Variants in C5orf58 observed in about 807,000 individuals in gnomAD.
The protein encoded by C5orf58 is putative uncharacterized protein C5orf58.
In C5orf58, 2 loss-of-function variants were observed where a neutral mutation model predicts 2.9. That is an observed-to-expected ratio of 0.69 (90% CI 0.28 to 2.18). C5orf58 has a LOEUF of 2.18. Among genes scored for constraint, C5orf58 ranks in the 30% most tolerant of loss-of-function variants. C5orf58 has a pLI of 0.13. For missense variants in C5orf58, 96 were observed against 91.7 expected, an observed-to-expected ratio of 1.05 and a Z score of -0.19; for synonymous variants, 37 against 33.4, an observed-to-expected ratio of 1.11 and a Z score of -0.37.
At chr5:170,234,632 A>G (rs1581033155) in intron 2 of C5orf58, among the ~76,000 whole-genome samples, 1 of 152,342 alleles carries the variant, frequency 6.6e-6, no homozygotes, top group African/African-American at 2.4e-5. Context: ...CATAAACAAA[A>G]TTAGAGAAGA....
At chr5:170,248,340 T>G (rs1488905787), downstream of C5orf58, 1 of 200,176 alleles carries the variant, frequency 5.0e-6, no homozygotes. Context: ...CACCAATAAC[T>G]ATTACTGTTT....
chr5:170,240,797 A>G (rs1760970343), intron 3 of C5orf58, among the ~76,000 whole-genome samples: 1 of 150,170 alleles, frequency 6.7e-6, no homozygotes, highest in South Asian at 2.1e-4. Flanking sequence ...CCATTTGTCA[A>G]TTTTGTCTTT....
At chr5:170,235,437 A>G (rs1319129994) in intron 3 of C5orf58, among the ~76,000 whole-genome samples, 1 of 152,228 alleles carries the variant, frequency 6.6e-6, no homozygotes, top group Non-Finnish European at 1.5e-5. Flanking sequence ...TAAAAAGTAT[A>G]AATTAGATTC....
chr5:170,239,750 G>A (rs1238598520), intron 3 of C5orf58, among the ~76,000 whole-genome samples: 1 of 151,944 alleles, frequency 6.6e-6, no homozygotes, highest in Non-Finnish European at 1.5e-5. Context: ...TTTATGTCAT[G>A]CTTATTTTGT....
rs763256611 is a variant in C5orf58, at chr5:170,246,049, A to G, written c.182A>G (p.Asn61Ser). The G allele has an allele frequency of 4.3e-6, 7 of 1,613,220 alleles. No homozygotes were observed. Among genetic ancestry groups the G allele is most frequent in the Admixed American group, 3.3e-5 (2 of 59,982 alleles). The change falls in exon 4 of 4, where the codon AAC (asparagine) becomes AGC (serine). Residue 61 changes from asparagine to serine, a missense_variant. Physicochemically the swap from Asn to Ser is conservative, Grantham distance 46 (BLOSUM62 1). Transcript: ENST00000593851. Reference protein sequence around the residue: ...TENLAEAERNNPLFEESKISD... With the variant: ...TENLAEAERNSPLFEESKISD... ...AACTTAGCAGAAGCAGAAAGAAACA[A>G]CCCCCTCTTTGAAGAGTCTAAAATA...
intron 3 of C5orf58, among the ~76,000 whole-genome samples, chr5:170,236,120 G>A (rs1010495781): frequency 6.6e-6 from 1 of 152,066 alleles, no homozygotes; most frequent in Non-Finnish European, 1.5e-5. Context: ...CCACAGCTAA[G>A]GGGACTGGGA....
At chr5:170,251,205 G>A, downstream of C5orf58, 1 of 233,768 alleles carries the variant, frequency 4.3e-6, no homozygotes, top group Non-Finnish European at 8.4e-6. Flanking sequence ...GTGGATAAAA[G>A]GCCAGGAGAA....
downstream of C5orf58, chr5:170,248,904 A>C: frequency 7.5e-7 from 1 of 1,331,264 alleles, no homozygotes; most frequent in Non-Finnish European, 1.1e-6. Flanking sequence ...TGCATAATAT[A>C]TGCTGCCTCT....
chr5:170,239,981 T>C (rs1760921242), intron 3 of C5orf58, among the ~76,000 whole-genome samples: 1 of 150,728 alleles, frequency 6.6e-6, no homozygotes, highest in Non-Finnish European at 1.5e-5. Context: ...TGTGTCCATG[T>C]GATCTCATTG....
chr5:170,244,755 C>T lies in C5orf58; in HGVS notation c.95-1207C>T, dbSNP rs150828184. On this transcript the variant is annotated intron_variant, in intron 3 of 3. Coordinates refer to ENST00000593851, the MANE Select transcript of C5orf58 (RefSeq NM_001102609.3). ...TCCCGTTAGCTCAGAGTAATTTGAT[C>T]GTCTGAAGCCTTCTTCTCTCAGCTC... Among the ~76,000 whole-genome samples, 1,259 of 152,244 alleles carry T rather than the reference C, an allele frequency of 8.3e-3. 20 individuals are homozygous for T. Among genetic ancestry groups the T allele is most frequent in the African/African-American group, 0.028 (1,165 of 41,524 alleles).
At chr5:170,237,649 A>T (rs1204971190) in intron 3 of C5orf58, among the ~76,000 whole-genome samples, 1 of 152,220 alleles carries the variant, frequency 6.6e-6, no homozygotes, top group African/African-American at 2.4e-5. Context: ...TGGCACCAGG[A>T]TCTTCTGGAA....
At chr5:170,252,379 C>G, downstream of C5orf58, 1 of 1,020,582 alleles carries the variant, frequency 9.8e-7, no homozygotes, top group Non-Finnish European at 1.5e-6. Context: ...CAGGTCAGTT[C>G]CCTTCTCTGC....
intron 2 of C5orf58, chr5:170,251,414 TC>T: frequency 4.6e-6 from 1 of 215,708 alleles, no homozygotes; most frequent in Non-Finnish European, 9.8e-6. Context: ...TGTTCTCTTT[TC>T]TTTTCTTTTT....
At chr5:170,243,649 T>C (rs1408623851) in intron 3 of C5orf58, among the ~76,000 whole-genome samples, 1 of 149,206 alleles carries the variant, frequency 6.7e-6, no homozygotes, top group African/African-American at 2.5e-5. Context: ...TCCTCCATCC[T>C]TTTATTTTGA....
chr5:170,244,102 T>C (rs1170421188), intron 3 of C5orf58, among the ~76,000 whole-genome samples: 1 of 152,044 alleles, frequency 6.6e-6, no homozygotes, highest in Admixed American at 6.6e-5. Flanking sequence ...TGTTGAATAT[T>C]GGCCCCCACT....
intron 3 of C5orf58, among the ~76,000 whole-genome samples, chr5:170,241,404 C>G (rs1185459722): frequency 1.3e-5 from 2 of 151,394 alleles, no homozygotes; most frequent in Non-Finnish European, 2.9e-5. Context: ...TCTTCCTACC[C>G]ATGAGCATGA....
At chr5:170,249,410 T>C (rs1424711067), downstream of C5orf58, among the ~76,000 whole-genome samples, 1 of 150,570 alleles carries the variant, frequency 6.6e-6, no homozygotes, top group African/African-American at 2.4e-5. Context: ...ATATATGTAA[T>C]TTGAAATGCA....
chr5:170,237,369 G>A (rs1036296317), intron 3 of C5orf58: 1 of 398,096 alleles, frequency 2.5e-6, no homozygotes, highest in Non-Finnish European at 4.4e-6. Context: ...CTATGAGGTA[G>A]GAACTATTGC....
Position 170,234,273 on chromosome 5 carries a change from T to C in C5orf58, c.-1+75T>C. ...CACCTTTCACACTGCTGGAGTTGTG[T>C]ATGCTAATTGAGATGGAGTTTTTCA... On this transcript the variant is annotated intron_variant, in intron 2 of 3. Transcript: ENST00000593851. 3.4e-6 allele frequency: 3 copies of C among 885,544 alleles called. No individual in the cohort carries two copies. In the South Asian group the frequency reaches 4.0e-5, roughly 12 times the overall value. 54.9% of individuals were successfully genotyped at this position (885,544 alleles called of 1,614,324 possible). A position where few individuals can be genotyped will look rare whatever the true frequency, so the allele number is the denominator to read the frequency against.
Sources: gnomAD v4.1 joint callset for allele counts (sites outside exome capture counted in the v4.1 genomes callset) on GRCh38, gnomAD v4.1.1 for gene constraint, MANE v1.5 for transcripts, NCBI Gene and HGNC (gene_info 2026-07-23, HGNC 2026-07-21) for gene names.